The following CNOT4 variants were observed in gnomAD, a reference collection of about 807,000 sequenced individuals.
CNOT4 encodes CCR4-associated factor 4.
CNOT4 carries 8 observed loss-of-function variants against 73.8 expected under a neutral mutation model. The observed-to-expected ratio is 0.11, with a 90% CI of 0.06 to 0.20. The LOEUF (loss-of-function observed/expected upper bound fraction) is 0.20, where lower values mean the gene tolerates loss of function less well. CNOT4 is among the 10% of genes least tolerant of loss of function. CNOT4 has a pLI of 1.00. For synonymous variants in CNOT4, 293 were observed against 321.1 expected, an observed-to-expected ratio of 0.91 and a Z score of 0.94; for missense variants, 564 against 883.4, an observed-to-expected ratio of 0.64 and a Z score of 4.58.
intron 10 of CNOT4, among the ~76,000 whole-genome samples, chr7:135,375,468 C>T (rs192661021): frequency 6.6e-6 from 1 of 151,144 alleles, no homozygotes; most frequent in African/African-American, 2.4e-5. Context: ...CCTAAAACAC[C>T]TCAGGAGTAC....
At chr7:135,389,456 G>A (rs1253230165) in intron 10 of CNOT4, among the ~76,000 whole-genome samples, 1 of 152,050 alleles carries the variant, frequency 6.6e-6, no homozygotes, top group African/African-American at 2.4e-5. Context: ...AATGTTAACA[G>A]TACAATGATC....
intron 9 of CNOT4, among the ~76,000 whole-genome samples, 176 bp downstream of exon 9, chr7:135,395,458 G>T (rs2129483433): frequency 6.6e-6 from 1 of 152,212 alleles, no homozygotes; most frequent in East Asian, 1.9e-4. Context: ...GTAATTTCTA[G>T]GTCACACAAC....
intron 7 of CNOT4, among the ~76,000 whole-genome samples, chr7:135,405,683 T>C (rs1797240243): frequency 6.6e-6 from 1 of 152,200 alleles, no homozygotes; most frequent in Non-Finnish European, 1.5e-5. Flanking sequence ...AATTCCTTTT[T>C]TAGAATTTTC....
chr7:135,374,260 G>A (rs923566504), intron 10 of CNOT4, among the ~76,000 whole-genome samples: 2 of 152,172 alleles, frequency 1.3e-5, no homozygotes, highest in Non-Finnish European at 2.9e-5. Flanking sequence ...AGTTATCAAT[G>A]AGAGTCAAAA....
intron 1 of CNOT4, among the ~76,000 whole-genome samples, chr7:135,493,719 A>G (rs910181550): frequency 2.6e-5 from 4 of 152,182 alleles, no homozygotes; most frequent in Non-Finnish European, 5.9e-5. Flanking sequence ...TGTCAAAGCT[A>G]TGAAAATTGG....
intron 3 of CNOT4, 148 bp from the exon 4 acceptor site, chr7:135,415,410 G>A (rs933953481): frequency 3.6e-6 from 2 of 556,662 alleles, no homozygotes; most frequent in African/African-American, 3.9e-5. Flanking sequence ...CCTAATTGCA[G>A]TTTGTGTAGC....
chr7:135,489,108 A>G (rs1802930878), intron 1 of CNOT4, among the ~76,000 whole-genome samples: 1 of 152,102 alleles, frequency 6.6e-6, no homozygotes, highest in Non-Finnish European at 1.5e-5. Flanking sequence ...CAGAAGTTTT[A>G]GGGCCAAAGA....
intron 10 of CNOT4, among the ~76,000 whole-genome samples, chr7:135,369,284 T>C (rs1468783908): frequency 6.6e-6 from 1 of 152,194 alleles, no homozygotes. Context: ...TTTCCACGAA[T>C]ATATTTTTGT....
At chr7:135,486,807 C>A (rs1802749767) in intron 1 of CNOT4, among the ~76,000 whole-genome samples, 1 of 152,104 alleles carries the variant, frequency 6.6e-6, no homozygotes, top group South Asian at 2.1e-4. Context: ...GAGGCTGTGT[C>A]ACAGGACAAA....
chr7:135,410,515 G>C lies in CNOT4; in HGVS notation c.821C>G (p.Thr274Ser), dbSNP rs1013550968. The C allele has an allele frequency of 4.7e-6, 7 of 1,502,908 alleles. No homozygotes were observed. Among genetic ancestry groups the C allele is most frequent in the African/African-American group, 1.4e-5 (1 of 70,382 alleles). 93.1% of individuals were successfully genotyped at this position (1,502,908 alleles called of 1,614,324 possible). Residue 274 changes from threonine to serine, a missense_variant and splice_region_variant, in exon 7 of 12, where the codon ACC becomes AGC. Physicochemically the swap from Thr to Ser is moderately conservative, Grantham distance 58. Transcript: ENST00000541284. ...TCTGACTATCAATATCAATACTTACGTATCGTACCTCTGCAGTGGTGTCAC... is the reference window on the plus strand; with the variant it reads ...TCTGACTATCAATATCAATACTTACCTATCGTACCTCTGCAGTGGTGTCAC... ...NKVTPLQRYDTPIDKPSDSLS... is the reference protein window; with the variant it reads ...NKVTPLQRYDSPIDKPSDSLS...
intron 1 of CNOT4, among the ~76,000 whole-genome samples, chr7:135,479,532 C>T (rs972422996): frequency 4.0e-5 from 6 of 151,820 alleles, no homozygotes; most frequent in Admixed American, 3.9e-4. Context: ...TTAATCCTCA[C>T]CAATCTAAAA....
chr7:135,387,863 ATCTCT>A lies in CNOT4; in HGVS notation c.1627+6050_1627+6054del, dbSNP rs1374609271. The A allele has an allele frequency of 2.7e-5, 26 of 971,666 alleles. No individual in the cohort carries two copies. In the African/African-American group the frequency reaches 2.8e-4, roughly 10 times the overall value. 60.2% of individuals were successfully genotyped at this position (971,666 alleles called of 1,614,324 possible). A position where few individuals can be genotyped will look rare whatever the true frequency, so the allele number is the denominator to read the frequency against. Reference sequence around the variant, plus strand: ...GTGGCCTAATTTTAGAGGACATCCAATCTCTTCTCTTCTGCCTTAGTCTCATTCTG... The same window carrying A: ...GTGGCCTAATTTTAGAGGACATCCAATCTCTTCTGCCTTAGTCTCATTCTG... On this transcript the variant is annotated intron_variant, in intron 10 of 11. Transcript: ENST00000541284.
At chr7:135,369,873 A>G (rs867649490) in intron 10 of CNOT4, among the ~76,000 whole-genome samples, 1 of 152,282 alleles carries the variant, frequency 6.6e-6, no homozygotes. Context: ...TGACTCAAAT[A>G]CAAATGATTT....
intron 1 of CNOT4, among the ~76,000 whole-genome samples, chr7:135,441,365 T>C (rs1459514517): frequency 6.7e-6 from 1 of 150,206 alleles, no homozygotes; most frequent in Non-Finnish European, 1.5e-5. Context: ...TACAACGAAA[T>C]AGTGTCTTCT....
At chr7:135,432,898 T>C (rs1798929547) in intron 2 of CNOT4, among the ~76,000 whole-genome samples, 1 of 152,228 alleles carries the variant, frequency 6.6e-6, no homozygotes, top group Non-Finnish European at 1.5e-5. Flanking sequence ...CGATTCGGAT[T>C]CCTTGTCTTT....
intron 1 of CNOT4, among the ~76,000 whole-genome samples, chr7:135,495,251 T>C (rs549084014): frequency 1.3e-5 from 2 of 152,250 alleles, no homozygotes; most frequent in Admixed American, 1.3e-4. Context: ...ACGCCTGTAA[T>C]CCCAGCACTT....
rs766017089 is a variant in CNOT4 at position 135,395,630 on chromosome 7, A to G, written c.1129+4T>C. 36 of 1,613,336 alleles carry G rather than the reference A, an allele frequency of 2.2e-5. No individual in the cohort carries two copies. The highest frequency in any genetic ancestry group is 3.0e-5 in the Non-Finnish European group (35 of 1,179,478). On this transcript the variant is annotated splice_donor_region_variant and intron_variant, in intron 9 of 11. Transcript: ENST00000541284. ...TACTAATACTTGGTACTATTGTTAT[A>G]TACCTGATGTGAAGAGGCTCTGTGG... is the stretch of plus-strand genomic sequence containing the variant.
chr7:135,433,788 A>C (rs1798995211), intron 2 of CNOT4, among the ~76,000 whole-genome samples: 1 of 152,206 alleles, frequency 6.6e-6, no homozygotes. Flanking sequence ...ACAGAATGCC[A>C]CATCAGTGCA....
rs898473379 is a variant in CNOT4 at position 135,413,557 on chromosome 7, T to C, written c.618A>G (p.Pro206=). The change falls in exon 6 of 12, where the codon CCA becomes CCG. Residue 206 remains proline (P), a synonymous_variant. Coordinates refer to ENST00000541284, the MANE Select transcript of CNOT4 (RefSeq NM_001190850.2). ...CATGAAGATACATGCAGTCAGGTTT[T>C]GGACACTGCATATTCTTTAAGAAGT... ...CSYFLKNMQC[P]KPDCMYLHEL... is the part of the protein sequence containing the mutation. The C allele has an allele frequency of 1.4e-5, 23 of 1,611,712 alleles. No individual in the cohort carries two copies. The highest frequency in any genetic ancestry group is 1.8e-5 in the Non-Finnish European group (21 of 1,178,304).
Sources: allele counts gnomAD v4.1 joint callset (sites outside exome capture counted in the v4.1 genomes callset), GRCh38; gene constraint gnomAD v4.1.1; transcripts MANE v1.5; gene names NCBI Gene and HGNC (gene_info 2026-07-23, HGNC 2026-07-21).